CHPT1: variants seen among roughly 807,000 people sequenced by gnomAD.
CHPT1 encodes choline phosphotransferase 1.
CHPT1 carries 36 observed loss-of-function variants against 47.6 expected under a neutral mutation model. The observed-to-expected ratio is 0.76, with a 90% CI of 0.58 to 1.00. The LOEUF is 1.00. CHPT1 is among the 50% of genes least tolerant of loss of function. CHPT1 has a pLI of 0.00. For missense variants in CHPT1, 458 were observed against 498.1 expected (o/e 0.92, Z 0.77); for synonymous variants, 194 against 186.3 (o/e 1.04, Z -0.33).
chr12:101,728,641 C>T (rs1301569214), intron 8 of CHPT1: 2 of 375,756 alleles, frequency 5.3e-6, no homozygotes, highest in Non-Finnish European at 9.5e-6. Context: ...TACAATGAAG[C>T]CAAACCTAAA....
chr12:101,714,606 A>C lies in CHPT1; in HGVS notation c.524A>C (p.His175Pro). 3 of 1,610,748 alleles carry C rather than the reference A, an allele frequency of 1.9e-6. No homozygotes were observed. The highest frequency in any genetic ancestry group is 2.5e-6 in the Non-Finnish European group (3 of 1,178,712). The change falls in exon 3 of 9, where the codon CAT becomes CCT. Residue 175 changes from histidine to proline, a missense_variant. Coordinates refer to ENST00000229266, the MANE Select transcript of CHPT1 (RefSeq NM_020244.3). ...FIGMFVFYCAHWQTYVSGMLR... is the reference protein window; with the variant it reads ...FIGMFVFYCAPWQTYVSGMLR... Reference sequence around the variant, plus strand: ...GGGATGTTTGTGTTTTATTGCGCTCATTGGCAGACTTATGTTTCAGGCATG... The same window carrying C: ...GGGATGTTTGTGTTTTATTGCGCTCCTTGGCAGACTTATGTTTCAGGCATG...
intron 1 of CHPT1, among the ~76,000 whole-genome samples, chr12:101,699,577 G>A (rs899173897): frequency 6.6e-6 from 1 of 151,508 alleles, no homozygotes; most frequent in Non-Finnish European, 1.5e-5. Context: ...TAGTAGAGAC[G>A]GGGTTTCACC....
chr12:101,713,098 A>G (rs1408508909), intron 1 of CHPT1, among the ~76,000 whole-genome samples: 1 of 148,496 alleles, frequency 6.7e-6, no homozygotes, highest in African/African-American at 2.4e-5. Flanking sequence ...GGCTGTCCAG[A>G]GAAGCCTTCA....
At chr12:101,713,465 G>T (rs1363011287) in intron 1 of CHPT1, among the ~76,000 whole-genome samples, 1 of 152,136 alleles carries the variant, frequency 6.6e-6, no homozygotes, top group Non-Finnish European at 1.5e-5. Flanking sequence ...CTTAAACACA[G>T]CATGATTGCT....
chr12:101,722,264 A>G (rs1405627730), intron 5 of CHPT1, among the ~76,000 whole-genome samples: 2 of 152,174 alleles, frequency 1.3e-5, no homozygotes, highest in Admixed American at 1.3e-4. Context: ...ATACAGTGTC[A>G]TGTATATAAT....
chr12:101,721,789 G>A (rs1018473643), intron 5 of CHPT1, among the ~76,000 whole-genome samples: 3 of 152,066 alleles, frequency 2.0e-5, no homozygotes, highest in East Asian at 1.9e-4. Context: ...GACCAGATGC[G>A]GTGGCTCACG....
intron 1 of CHPT1, among the ~76,000 whole-genome samples, chr12:101,702,402 GT>G (rs1259060203): frequency 1.3e-5 from 2 of 152,264 alleles, no homozygotes; most frequent in Non-Finnish European, 2.9e-5. Flanking sequence ...CATTTCTTGT[GT>G]TTATGATGAT....
chr12:101,700,627 G>A (rs1951541742), intron 1 of CHPT1, among the ~76,000 whole-genome samples: 1 of 152,032 alleles, frequency 6.6e-6, no homozygotes, highest in South Asian at 2.1e-4. Flanking sequence ...GATCTAAGTT[G>A]GTATGACTTC....
chr12:101,707,417 C>T (rs1951648968), intron 1 of CHPT1, among the ~76,000 whole-genome samples: 1 of 152,204 alleles, frequency 6.6e-6, no homozygotes, highest in Non-Finnish European at 1.5e-5. Context: ...TTCCTAAACT[C>T]ATGTGCTCCT....
At chr12:101,719,278 A>G (rs1043831093) in intron 4 of CHPT1, among the ~76,000 whole-genome samples, 1 of 152,098 alleles carries the variant, frequency 6.6e-6, no homozygotes, top group Non-Finnish European at 1.5e-5. Context: ...GTTTCACTCA[A>G]TGTTTTGGCA....
intron 1 of CHPT1, among the ~76,000 whole-genome samples, chr12:101,711,295 A>T (rs1240553942): frequency 6.7e-6 from 1 of 148,872 alleles, no homozygotes; most frequent in African/African-American, 2.4e-5. Context: ...AGTGTCTGTT[A>T]ACATATGAAT....
At chr12:101,698,714 C>A (rs1288833368) in intron 1 of CHPT1, among the ~76,000 whole-genome samples, 1 of 152,138 alleles carries the variant, frequency 6.6e-6, no homozygotes, top group African/African-American at 2.4e-5. Flanking sequence ...GTTATCAAGG[C>A]AATAATTTTT....
intron 1 of CHPT1, among the ~76,000 whole-genome samples, chr12:101,700,326 A>G (rs1405784035): frequency 6.7e-6 from 1 of 148,462 alleles, no homozygotes; most frequent in Non-Finnish European, 1.5e-5. Context: ...CTCATGTGAA[A>G]AAAAAAAAAA....
intron 4 of CHPT1, chr12:101,719,423 C>A: frequency 1.8e-6 from 1 of 555,764 alleles, no homozygotes; most frequent in Non-Finnish European, 3.1e-6. Context: ...ATTTTCTAAA[C>A]ATAGTAGCCT....
chr12:101,706,220 C>A (rs1202360582), intron 1 of CHPT1, among the ~76,000 whole-genome samples: 1 of 151,372 alleles, frequency 6.6e-6, no homozygotes, highest in Non-Finnish European at 1.5e-5. Flanking sequence ...TGTGGTGGTG[C>A]ACATCTGTAA....
intron 4 of CHPT1, among the ~76,000 whole-genome samples, chr12:101,718,054 T>C (rs1160930013): frequency 6.6e-6 from 1 of 152,206 alleles, no homozygotes; most frequent in Non-Finnish European, 1.5e-5. Context: ...ATTCCAACTA[T>C]ATGACATTCT....
chr12:101,713,249 T>C lies in CHPT1; in HGVS notation c.274-841T>C, dbSNP rs12300447. Among the ~76,000 whole-genome samples, 593 of 124,334 alleles carry C rather than the reference T, an allele frequency of 4.8e-3. 32 individuals are homozygous for C. The highest frequency in any genetic ancestry group is 0.015 in the African/African-American group (568 of 38,780). 81.6% of individuals were successfully genotyped at this position (124,334 alleles called of 152,430 possible). A position where few individuals can be genotyped will look rare whatever the true frequency, so the allele number is the denominator to read the frequency against. On this transcript the variant is annotated intron_variant, in intron 1 of 8. Coordinates refer to ENST00000229266, the MANE Select transcript of CHPT1 (RefSeq NM_020244.3). ...CCATGTATGAGCTTTGAGAATTGTC[T>C]GACCTTCAACATTGCAGTGCTTCTC...
intron 4 of CHPT1, 41 bp downstream of exon 4, chr12:101,716,853 A>C (rs749319220): frequency 8.1e-7 from 1 of 1,241,278 alleles, no homozygotes; most frequent in South Asian, 1.5e-5. Flanking sequence ...GTACTTTTCA[A>C]ATATTTAGGA....
intron 1 of CHPT1, among the ~76,000 whole-genome samples, chr12:101,713,446 T>C (rs1424565383): frequency 2.0e-5 from 3 of 152,148 alleles, no homozygotes; most frequent in Admixed American, 6.6e-5. Flanking sequence ...TCCTGAACTT[T>C]GTGTTTCTCT....
Sources: gnomAD v4.1 joint callset for allele counts (sites outside exome capture counted in the v4.1 genomes callset) on GRCh38, gnomAD v4.1.1 for gene constraint, MANE v1.5 for transcripts, NCBI Gene and HGNC (gene_info 2026-07-23, HGNC 2026-07-21) for gene names.